The following CDH18 variants were observed in gnomAD, a reference collection of about 807,000 sequenced individuals.
CDH18 encodes cadherin 18.
A neutral mutation model predicts 67.9 loss-of-function variants in CDH18; 31 were observed. The observed-to-expected ratio is 0.46, with a 90% confidence interval of 0.34 to 0.62. The LOEUF (loss-of-function observed/expected upper bound fraction) is 0.62. CDH18 is among the 20% of genes least tolerant of loss of function. The pLI is 0.01. For synonymous variants in CDH18, 362 were observed against 347.2 expected, an observed-to-expected ratio of 1.04 and a Z score of -0.48; for missense variants, 890 against 975.5, an observed-to-expected ratio of 0.91 and a Z score of 1.17.
At chr5:19,776,577 A>T (rs529483896) in intron 3 of CDH18, among the ~76,000 whole-genome samples, 2 of 152,218 alleles carry the variant, frequency 1.3e-5, no homozygotes, top group South Asian at 4.1e-4. Context: ...AAATGGGAGG[A>T]AAAAAGGCGT....
intron 8 of CDH18, among the ~76,000 whole-genome samples, chr5:19,547,161 A>G (rs1388971827): frequency 6.6e-6 from 1 of 152,184 alleles, no homozygotes; most frequent in Non-Finnish European, 1.5e-5. Context: ...CAGAGGAAAA[A>G]TGCTGAGGAT....
intron 5 of CDH18, among the ~76,000 whole-genome samples, chr5:19,683,363 C>T (rs1760608199): frequency 6.6e-6 from 1 of 151,950 alleles, no homozygotes; most frequent in Non-Finnish European, 1.5e-5. Flanking sequence ...TATTGTCATC[C>T]ATATGGCCTC....
intron 2 of CDH18, among the ~76,000 whole-genome samples, chr5:20,197,093 C>T (rs1324646617): frequency 2.0e-5 from 3 of 152,072 alleles, no homozygotes; most frequent in Admixed American, 6.6e-5. Context: ...CTAACTGGAA[C>T]CTCCGTCTCC....
intron 1 of CDH18, among the ~76,000 whole-genome samples, chr5:20,366,263 T>G (rs917771112): frequency 6.6e-6 from 1 of 152,170 alleles, no homozygotes; most frequent in Non-Finnish European, 1.5e-5. Context: ...GAATAATGAT[T>G]GATGCATCTT....
chr5:20,200,398 G>C (rs1345756748), intron 2 of CDH18, among the ~76,000 whole-genome samples: 2 of 152,180 alleles, frequency 1.3e-5, no homozygotes, highest in Non-Finnish European at 2.9e-5. Context: ...TCTTGGTTGG[G>C]TGTCGTGGCT....
chr5:19,704,428 A>G (rs188091587), intron 5 of CDH18, among the ~76,000 whole-genome samples: 5 of 152,256 alleles, frequency 3.3e-5, no homozygotes, highest in Admixed American at 2.6e-4. Context: ...GAAAAGATTT[A>G]TTACAACAAT....
intron 2 of CDH18, among the ~76,000 whole-genome samples, chr5:19,917,627 G>C (rs553569402): frequency 6.6e-5 from 10 of 152,188 alleles, no homozygotes; most frequent in Admixed American, 1.3e-4. Flanking sequence ...TATTCATTCC[G>C]TGTATCGCTC....
intron 10 of CDH18, among the ~76,000 whole-genome samples, chr5:19,506,847 A>G (rs1210201264): frequency 2.0e-5 from 3 of 152,344 alleles, no homozygotes; most frequent in Admixed American, 1.3e-4. Flanking sequence ...GGCATGGGCA[A>G]GGACTTCCTG....
At chr5:20,042,135 A>G (rs1302274425) in intron 2 of CDH18, among the ~76,000 whole-genome samples, 1 of 152,210 alleles carries the variant, frequency 6.6e-6, no homozygotes, top group African/African-American at 2.4e-5. Flanking sequence ...TGCTTCCGCC[A>G]GCTGAGAGTA....
chr5:20,490,751 G>T (rs1324216528), intron 1 of CDH18, among the ~76,000 whole-genome samples: 1 of 152,062 alleles, frequency 6.6e-6, no homozygotes, highest in Non-Finnish European at 1.5e-5. Flanking sequence ...TATTCTTTAT[G>T]ATGCAATTTT....
intron 10 of CDH18, 28 bp downstream of exon 10, chr5:19,520,629 A>G: frequency 1.3e-6 from 2 of 1,592,460 alleles, no homozygotes; most frequent in Non-Finnish European, 1.7e-6. Context: ...TTCCATTCAA[A>G]TGAGGAGGAA....
At chr5:19,659,088 G>T (rs922378713) in intron 5 of CDH18, among the ~76,000 whole-genome samples, 2 of 152,028 alleles carry the variant, frequency 1.3e-5, no homozygotes, top group Non-Finnish European at 2.9e-5. Flanking sequence ...TCATAGGTGG[G>T]AATTGAACAA....
intron 1 of CDH18, among the ~76,000 whole-genome samples, chr5:20,307,433 A>G (rs1736570924): frequency 6.6e-6 from 1 of 152,222 alleles, no homozygotes; most frequent in African/African-American, 2.4e-5. Context: ...GACATATAAC[A>G]TTTAATATGC....
intron 5 of CDH18, among the ~76,000 whole-genome samples, chr5:19,700,634 C>T (rs1434570091): frequency 6.6e-6 from 1 of 152,168 alleles, no homozygotes; most frequent in African/African-American, 2.4e-5. Context: ...GACTGCTTCA[C>T]AAACTAAGAA....
At chr5:19,756,331 C>A (rs1249231300) in intron 3 of CDH18, among the ~76,000 whole-genome samples, 3 of 152,188 alleles carry the variant, frequency 2.0e-5, no homozygotes, top group Non-Finnish European at 2.9e-5. Context: ...CAATTACAGT[C>A]CCCATTGCTG....
intron 5 of CDH18, among the ~76,000 whole-genome samples, chr5:19,684,409 T>C (rs1580855932): frequency 6.6e-6 from 1 of 151,228 alleles, no homozygotes; most frequent in African/African-American, 2.4e-5. Flanking sequence ...AGAGAAAGAA[T>C]TGAGGGAAAA....
chr5:20,218,420 T>G (rs1016125655), intron 2 of CDH18, among the ~76,000 whole-genome samples: 3 of 151,886 alleles, frequency 2.0e-5, no homozygotes, highest in Admixed American at 6.6e-5. Flanking sequence ...GAATGACCAG[T>G]GGGTAAATGA....
intron 1 of CDH18, among the ~76,000 whole-genome samples, chr5:20,467,647 A>T (rs1332304493): frequency 6.6e-6 from 1 of 152,208 alleles, no homozygotes; most frequent in Non-Finnish European, 1.5e-5. Flanking sequence ...TACCAAAAAC[A>T]ACATTAGCTA....
chr5:19,666,455 A>T (rs962534928), intron 5 of CDH18, among the ~76,000 whole-genome samples: 1 of 151,826 alleles, frequency 6.6e-6, no homozygotes, highest in African/African-American at 2.4e-5. Flanking sequence ...AATGATGAAA[A>T]TGATAAAACA....
Sources: gnomAD v4.1 joint callset for allele counts (sites outside exome capture counted in the v4.1 genomes callset) on GRCh38, gnomAD v4.1.1 for gene constraint, MANE v1.5 for transcripts, NCBI Gene and HGNC (gene_info 2026-07-23, HGNC 2026-07-21) for gene names.